Variants in PIGK observed in about 807,000 individuals in gnomAD.
The protein encoded by PIGK is phosphatidylinositol glycan anchor biosynthesis class K, also known as GPI-anchor transamidase.
A neutral mutation model predicts 50.6 loss-of-function variants in PIGK; 42 were observed. The ratio of observed to expected loss-of-function variants is 0.83; its 90% CI spans 0.65 to 1.07. PIGK has a LOEUF of 1.07. Among genes scored for constraint, PIGK ranks in the 50% least tolerant of loss-of-function variants. The pLI, the probability that PIGK is intolerant of heterozygous loss-of-function variation, is 0.00. For missense variants in PIGK, 448 were observed against 488.7 expected, an observed-to-expected ratio of 0.92 and a Z score of 0.78; for synonymous variants, 151 against 156.0, an observed-to-expected ratio of 0.97 and a Z score of 0.24.
chr1:77,169,467 C>A (rs1413262921), intron 3 of PIGK, 72 bp from the exon 4 acceptor site: 3 of 1,205,886 alleles, frequency 2.5e-6, no homozygotes, highest in Non-Finnish European at 2.3e-6. Flanking sequence ...TTATTTATAT[C>A]ATGTAGCTAC....
intron 9 of PIGK, among the ~76,000 whole-genome samples, chr1:77,133,860 C>G (rs1368851118): frequency 6.6e-6 from 1 of 152,122 alleles, no homozygotes; most frequent in Non-Finnish European, 1.5e-5. Flanking sequence ...TTCTGACTTA[C>G]ATTTTTGGAC....
At chr1:77,110,186 C>T (rs1401871985) in intron 10 of PIGK, among the ~76,000 whole-genome samples, 13 of 152,142 alleles carry the variant, frequency 8.5e-5, no homozygotes, top group African/African-American at 2.7e-4. Context: ...CCATACTGCC[C>T]AAGGTAATTT....
chr1:77,152,914 G>A (rs1654925029), intron 9 of PIGK, among the ~76,000 whole-genome samples: 1 of 152,100 alleles, frequency 6.6e-6, no homozygotes, highest in African/African-American at 2.4e-5. Context: ...CACTATTGGT[G>A]GGAATGCAAA....
intron 8 of PIGK, among the ~76,000 whole-genome samples, chr1:77,158,927 C>T (rs1384365315): frequency 6.6e-6 from 1 of 152,158 alleles, no homozygotes; most frequent in Admixed American, 6.5e-5. Flanking sequence ...AGGAGAAATT[C>T]AAGCCAGCTG....
At chr1:77,095,539 C>T (rs1170929339) in intron 10 of PIGK, among the ~76,000 whole-genome samples, 3 of 151,888 alleles carry the variant, frequency 2.0e-5, no homozygotes, top group Admixed American at 6.6e-5. Flanking sequence ...CTTTATATGT[C>T]CATTTAAATA....
chr1:77,194,555 A>C (rs1655986231), intron 3 of PIGK, among the ~76,000 whole-genome samples: 1 of 149,926 alleles, frequency 6.7e-6, no homozygotes. Context: ...CAAATGCCAC[A>C]TGTTCTCACT....
chr1:77,111,023 C>T (rs570353540), intron 10 of PIGK, among the ~76,000 whole-genome samples: 65 of 152,180 alleles, frequency 4.3e-4, no homozygotes, highest in African/African-American at 1.4e-3. Context: ...TCATCACTGG[C>T]CATCAGAGAA....
At chr1:77,127,369 C>A (rs1654255501) in intron 9 of PIGK, among the ~76,000 whole-genome samples, 2 of 152,110 alleles carry the variant, frequency 1.3e-5, no homozygotes. Flanking sequence ...AGTTTATATT[C>A]TATAGTGCCA....
At chr1:77,135,374 C>T (rs939780712) in intron 9 of PIGK, among the ~76,000 whole-genome samples, 8 of 151,810 alleles carry the variant, frequency 5.3e-5, no homozygotes, top group Admixed American at 2.6e-4. Flanking sequence ...ATGTTATATA[C>T]TCTATGTACT....
At chr1:77,145,896 AT>A in intron 9 of PIGK, among the ~76,000 whole-genome samples, 1 of 152,180 alleles carries the variant, frequency 6.6e-6, no homozygotes, top group Non-Finnish European at 1.5e-5. Context: ...CCAAAACATG[AT>A]TTTTTGACAA....
intron 10 of PIGK, among the ~76,000 whole-genome samples, chr1:77,100,876 G>C (rs1461985473): frequency 1.3e-5 from 2 of 152,090 alleles, no homozygotes; most frequent in African/African-American, 2.4e-5. Flanking sequence ...CAAACACAAA[G>C]AACTGAATTC....
Position 77,091,543 on chromosome 1 carries a change from G to C in PIGK, c.*831C>G, listed in dbSNP as rs1653298175. 6.6e-6 allele frequency: 1 copy of C among 152,160 alleles called. No homozygotes were observed. The highest frequency in any genetic ancestry group is 1.5e-5 in the Non-Finnish European group (1 of 68,016). The allele number at this position is 152,160 out of a possible 1,614,324, so 9.4% of individuals were successfully genotyped here. On this transcript the variant is annotated 3_prime_UTR_variant, in exon 11 of 11. Coordinates refer to ENST00000370812, the MANE Select transcript of PIGK (RefSeq NM_005482.3). The stretch of plus-strand genomic sequence containing the variant: ...AATGAAGAGGACGTGACCAATTGTA[G>C]AAGATCACAGAACGCTTACAAATGA...
chr1:77,214,877 A>G (rs574168374), intron 1 of PIGK, among the ~76,000 whole-genome samples: 24 of 152,304 alleles, frequency 1.6e-4, no homozygotes, highest in African/African-American at 4.3e-4. Context: ...TTGAAGAAAA[A>G]TCAGGAATGC....
chr1:77,122,215 A>C (rs907903985), intron 10 of PIGK, 60 bp downstream of exon 10: 1 of 1,097,236 alleles, frequency 9.1e-7, no homozygotes, highest in African/African-American at 1.5e-5. Flanking sequence ...TAACAAAAGC[A>C]ATTACTTCTC....
chr1:77,118,231 C>T (rs192214542), intron 10 of PIGK, among the ~76,000 whole-genome samples: 97 of 152,172 alleles, frequency 6.4e-4, no homozygotes, highest in Admixed American at 1.8e-3. Context: ...TTGATATCTG[C>T]CTTTTCTTTT....
intron 10 of PIGK, among the ~76,000 whole-genome samples, chr1:77,116,049 A>T (rs1653954115): frequency 6.6e-6 from 1 of 152,130 alleles, no homozygotes; most frequent in Non-Finnish European, 1.5e-5. Flanking sequence ...ACATTTGAGT[A>T]AGTTAAAGTT....
chr1:77,186,801 G>A (rs1009392102), intron 3 of PIGK, among the ~76,000 whole-genome samples: 9 of 152,156 alleles, frequency 5.9e-5, no homozygotes, highest in African/African-American at 2.2e-4. Flanking sequence ...GGCCACTGCT[G>A]AGTGCCCAAT....
chr1:77,131,885 T>C (rs1043410333), intron 9 of PIGK, among the ~76,000 whole-genome samples: 2 of 152,100 alleles, frequency 1.3e-5, no homozygotes, highest in African/African-American at 4.8e-5. Context: ...TTCAGAATTA[T>C]ATTCGTTCCA....
intron 9 of PIGK, among the ~76,000 whole-genome samples, chr1:77,149,378 TACAG>T (rs1198808858): frequency 6.6e-6 from 1 of 151,690 alleles, no homozygotes; most frequent in Non-Finnish European, 1.5e-5. Flanking sequence ...CCTATAAAGA[TACAG>T]ACAAAAAATG....
Sources: allele counts gnomAD v4.1 joint callset (sites outside exome capture counted in the v4.1 genomes callset), GRCh38; gene constraint gnomAD v4.1.1; transcripts MANE v1.5; gene names NCBI Gene and HGNC (gene_info 2026-07-23, HGNC 2026-07-21).